PPP2R2A: variants seen among roughly 807,000 people sequenced by gnomAD.
PPP2R2A encodes the protein protein phosphatase 2 regulatory subunit Balpha.
A neutral mutation model predicts 53.2 loss-of-function variants in PPP2R2A; 9 were observed. The observed-to-expected ratio is 0.17, with a 90% CI of 0.10 to 0.30. PPP2R2A has a LOEUF of 0.30. PPP2R2A is among the 10% of genes least tolerant of loss of function. PPP2R2A has a pLI of 1.00. For synonymous variants in PPP2R2A, 169 were observed against 174.2 expected (o/e 0.97, Z 0.23); for missense variants, 235 against 534.6 (o/e 0.44, Z 5.53).
intron 2 of PPP2R2A, among the ~76,000 whole-genome samples, chr8:26,312,020 T>G (rs1364990486): frequency 7.4e-6 from 1 of 134,672 alleles, no homozygotes; most frequent in African/African-American, 2.5e-5. Flanking sequence ...AATAGCATAT[T>G]TTTTACATTA....
At chr8:26,330,624 A>G (rs1233008574) in intron 2 of PPP2R2A, among the ~76,000 whole-genome samples, 1 of 151,872 alleles carries the variant, frequency 6.6e-6, no homozygotes, top group African/African-American at 2.4e-5. Context: ...CTGGGCCATG[A>G]TTTATTCTTG....
Position 26,360,401 on chromosome 8 carries a change from G to A in PPP2R2A, c.459+120G>A. 1 of 568,040 alleles carries A rather than the reference G, an allele frequency of 1.8e-6. No individual in the cohort carries two copies. 35.2% of individuals were successfully genotyped at this position (568,040 alleles called of 1,614,324 possible). A position where few individuals can be genotyped will look rare whatever the true frequency, so the allele number is the denominator to read the frequency against. ...CTATCTCCCCTTTCCCAGTAATTCT[G>A]TAATCAGGTAGGACATTGAGTAACT... On this transcript the variant is annotated intron_variant, in intron 5 of 9. Transcript: ENST00000380737. The surrounding 1 kb of genome is among the most constrained non-coding windows in gnomAD (Gnocchi z 4.5).
In PPP2R2A at chr8:26,338,967, A is replaced by G; in HGVS notation, c.160A>G (p.Ile54Val). The G allele has an allele frequency of 2.5e-6, 4 of 1,604,662 alleles. No homozygotes were observed. Among genetic ancestry groups the G allele is most frequent in the East Asian group, 2.2e-5 (1 of 44,664 alleles). The change falls in exon 3 of 10, where the codon ATC becomes GTC. Residue 54 changes from isoleucine (I) to valine (V), a missense_variant. Coordinates refer to ENST00000380737, the MANE Select transcript of PPP2R2A (RefSeq NM_002717.4). The surrounding 1 kb of genome is among the most constrained non-coding windows in gnomAD (Gnocchi z 4.5). ...AGGAGATAAAGGTGGTAGAGTTGTC[A>G]TCTTTCAACAGGAGCAGGAGGTAAG... ...ATGDKGGRVV[I>V]FQQEQENKIQ...
At chr8:26,342,134 A>G (rs1803972771) in intron 3 of PPP2R2A, among the ~76,000 whole-genome samples, 1 of 152,196 alleles carries the variant, frequency 6.6e-6, no homozygotes, top group African/African-American at 2.4e-5. Context: ...GTATTCTGCT[A>G]CACGGAATCT....
intron 2 of PPP2R2A, among the ~76,000 whole-genome samples, chr8:26,297,165 A>G (rs980365544): frequency 1.3e-5 from 2 of 152,184 alleles, no homozygotes; most frequent in African/African-American, 2.4e-5. Context: ...GCTGGAGTGC[A>G]GTGGCACGAT....
At chr8:26,298,771 C>T (rs1311154075) in intron 2 of PPP2R2A, among the ~76,000 whole-genome samples, 2 of 152,008 alleles carry the variant, frequency 1.3e-5, no homozygotes, top group Non-Finnish European at 2.9e-5. Context: ...ATCACTGGAC[C>T]CTTTCCCATC....
intron 9 of PPP2R2A, among the ~76,000 whole-genome samples, chr8:26,366,652 T>A (rs982832103): frequency 6.6e-6 from 1 of 152,094 alleles, no homozygotes; most frequent in Non-Finnish European, 1.5e-5. Context: ...ATGAACCAGA[T>A]CACATTTCTG....
intron 1 of PPP2R2A, chr8:26,292,524 T>C: frequency 1.2e-6 from 1 of 843,000 alleles, no homozygotes; most frequent in African/African-American, 1.8e-5. Flanking sequence ...CCAAAAGGGT[T>C]TGGTAGAGTT....
At chr8:26,363,619 C>T (rs1805227674) in intron 7 of PPP2R2A, 102 bp from the exon 8 acceptor site, 1 of 1,028,748 alleles carries the variant, frequency 9.7e-7, no homozygotes, top group Non-Finnish European at 1.3e-6. Context: ...GGCATTTTAC[C>T]TCACTTGTAG....
rs1177260560 is a variant in PPP2R2A at position 26,321,132 on chromosome 8, A to G, written c.83-17758A>G. 1.3e-5 allele frequency among the ~76,000 whole-genome samples: 2 copies of G among 152,198 alleles called. No homozygotes were observed. Among genetic ancestry groups the G allele is most frequent in the East Asian group, 3.8e-4 (2 of 5,198 alleles). On this transcript the variant is annotated intron_variant, in intron 2 of 9. Coordinates refer to ENST00000380737, the MANE Select transcript of PPP2R2A (RefSeq NM_002717.4). The surrounding 1 kb of genome is among the most constrained non-coding windows in gnomAD (Gnocchi z 4.1). ...GTACAAACAAGAAACATCGTGAGAG[A>G]AGGCCTTAGTGTTCATTTCTGTGGT...
intron 2 of PPP2R2A, among the ~76,000 whole-genome samples, chr8:26,309,701 C>T (rs1184195191): frequency 6.6e-6 from 1 of 152,014 alleles, no homozygotes; most frequent in African/African-American, 2.4e-5. Flanking sequence ...CTTAAGAGGC[C>T]CATAGGGTAA....
In PPP2R2A at chr8:26,370,058, T is replaced by C. The variant is rs192044729; in HGVS notation, c.1065-76T>C. The C allele has an allele frequency of 9.0e-5, 133 of 1,473,584 alleles. 1 individual carries two copies. In the East Asian group the frequency reaches 2.9e-3, roughly 32 times the overall value. 91.3% of individuals were successfully genotyped at this position (1,473,584 alleles called of 1,614,324 possible). A position where few individuals can be genotyped will look rare whatever the true frequency, so the allele number is the denominator to read the frequency against. On this transcript the variant is annotated intron_variant, in intron 9 of 9. Transcript: ENST00000380737. This position sits in a 1 kb window ranked among gnomAD's most constrained non-coding sequence, Gnocchi z 6.1. ...GCTTTTGAAGTAGCTTCCTATGGTT[T>C]AATTGCCGAATCATTTTACTTGAAA...
chr8:26,296,874 G>A (rs1801565794), intron 2 of PPP2R2A, among the ~76,000 whole-genome samples: 1 of 152,210 alleles, frequency 6.6e-6, no homozygotes, highest in East Asian at 1.9e-4. Context: ...CAGAATCATC[G>A]GTAGGCTTTT....
chr8:26,355,147 A>C (rs1254679129), intron 4 of PPP2R2A, among the ~76,000 whole-genome samples: 1 of 152,254 alleles, frequency 6.6e-6, no homozygotes, highest in Non-Finnish European at 1.5e-5. Flanking sequence ...TCTCCATTCC[A>C]GGATACGCTA....
At chr8:26,299,844 T>C (rs1801703002) in intron 2 of PPP2R2A, among the ~76,000 whole-genome samples, 1 of 152,156 alleles carries the variant, frequency 6.6e-6, no homozygotes, top group African/African-American at 2.4e-5. Flanking sequence ...TAGAACCCTG[T>C]TGTTTTGTGG....
intron 3 of PPP2R2A, among the ~76,000 whole-genome samples, chr8:26,352,180 T>C (rs894513262): frequency 6.6e-5 from 10 of 152,188 alleles, no homozygotes; most frequent in African/African-American, 1.9e-4. Context: ...TGTATGACTG[T>C]AGGAGAGGTT....
chr8:26,367,370 C>G (rs1420893860), intron 9 of PPP2R2A, among the ~76,000 whole-genome samples: 2 of 152,156 alleles, frequency 1.3e-5, no homozygotes, highest in Non-Finnish European at 2.9e-5. Context: ...GTGTGGCGCA[C>G]AGCTACAACC....
intron 1 of PPP2R2A, 79 bp downstream of exon 1, chr8:26,291,905 C>A: frequency 6.4e-7 from 1 of 1,567,144 alleles, no homozygotes. Context: ...AGCGACCGCC[C>A]GCGCCTCGCG....
intron 2 of PPP2R2A, among the ~76,000 whole-genome samples, chr8:26,322,219 C>T (rs1585353063): frequency 6.6e-6 from 1 of 152,260 alleles, no homozygotes; most frequent in Middle Eastern, 3.4e-3. Context: ...TCTCTGGAGT[C>T]AAGTAGCAGC....
Sources: gnomAD v4.1 joint callset for allele counts (sites outside exome capture counted in the v4.1 genomes callset) on GRCh38, gnomAD v4.1.1 for gene constraint, Gnocchi (gnomAD v3.1) non-coding constraint, MANE v1.5 for transcripts, NCBI Gene and HGNC (gene_info 2026-07-23, HGNC 2026-07-21) for gene names.